Variants in WIZ observed in about 807,000 individuals in gnomAD.
The protein encoded by WIZ is WIZ zinc finger.
In WIZ, 25 loss-of-function variants were observed where a neutral mutation model predicts 140.2. The observed-to-expected ratio is 0.18, with a 90% CI of 0.13 to 0.25. The LOEUF is 0.25. Among genes scored for constraint, WIZ ranks in the 10% least tolerant of loss-of-function variants. The pLI, the probability that WIZ is intolerant of heterozygous loss-of-function variation, is 1.00. For synonymous variants in WIZ, 1,125 were observed against 1,154.3 expected (o/e 0.97, Z 0.51); for missense variants, 2,231 against 2,632.6 (o/e 0.85, Z 3.34).
chr19:15,432,858 T>G (rs1035468302), intron 5 of WIZ, among the ~76,000 whole-genome samples: 1 of 151,036 alleles, frequency 6.6e-6, no homozygotes, highest in Non-Finnish European at 1.5e-5. Context: ...GAGCGCCGAG[T>G]GCCACGAGCG....
At chr19:15,425,148 C>G in intron 10 of WIZ, 93 bp downstream of exon 10, 1 of 1,529,838 alleles carries the variant, frequency 6.5e-7, no homozygotes, top group Admixed American at 2.0e-5. Flanking sequence ...GCCATGGGGG[C>G]CCCACTTGGG....
At position 15,423,058 on chromosome 19, in the gene WIZ, A is replaced by T; in HGVS notation, c.*18T>A. The T allele has an allele frequency of 6.2e-7, 1 of 1,609,090 alleles. No homozygotes were observed. The highest frequency in any genetic ancestry group is 8.5e-7 in the Non-Finnish European group (1 of 1,178,178). On this transcript the variant is annotated 3_prime_UTR_variant, in exon 13 of 13. Transcript: ENST00000673675. ...GGAGACAGAGGTGGCACGAGAGGGG[A>T]TCTGGAATGCTTTTGTGTTAGGGAG...
chr19:15,426,918 A>G, intron 9 of WIZ, 64 bp downstream of exon 9: 1 of 1,538,758 alleles, frequency 6.5e-7, no homozygotes, highest in African/African-American at 1.4e-5. Flanking sequence ...GGATACCCCC[A>G]AGGGGAGGCA....
intron 6 of WIZ, 80 bp from the exon 7 acceptor site, chr19:15,430,169 C>A: frequency 7.0e-7 from 1 of 1,434,204 alleles, no homozygotes; most frequent in South Asian, 1.5e-5. Context: ...CCCTGAGAGT[C>A]CCACTCACCC....
In WIZ at chr19:15,439,169, G is replaced by A. The variant is rs192898305; in HGVS notation, c.1825C>T (p.Arg609Trp). ...STVHPQGLGE[R>W]RRPWSEEEEE... Reference sequence around the variant, plus strand: ...TCCTCTTCGCTCCAAGGGCGCCTCCGTTCCCCCAGCCCTTGTGGGTGGACG... The same window carrying A: ...TCCTCTTCGCTCCAAGGGCGCCTCCATTCCCCCAGCCCTTGTGGGTGGACG... The change falls in exon 4 of 13, where the codon CGG (arginine) becomes TGG (tryptophan). Residue 609 changes from arginine to tryptophan, a missense_variant. Arg to Trp is a moderately radical substitution (Grantham distance 101). Transcript: ENST00000673675. This position sits in a 1 kb window ranked among gnomAD's most constrained non-coding sequence, Gnocchi z 7.0. 2.4e-3 allele frequency: 3,668 copies of A among 1,532,830 alleles called. 14 individuals are homozygous for A. The highest frequency in any genetic ancestry group is 5.7e-3 in the Middle Eastern group (34 of 5,974). The allele number at this position is 1,532,830 out of a possible 1,614,324, so 95.0% of individuals were successfully genotyped here. A position where few individuals can be genotyped will look rare whatever the true frequency, so the allele number is the denominator to read the frequency against.
At position 15,440,953 on chromosome 19, in the gene WIZ, G is replaced by T. The variant is rs945537160; in HGVS notation, c.279-238C>A. ...GCACCTGTCCACAAAGCCTAGCCCC[G>T]CTGCATTGTGGGGGAATGTACGGAG... On this transcript the variant is annotated intron_variant, in intron 3 of 12. Coordinates refer to ENST00000673675, the MANE Select transcript of WIZ (RefSeq NM_001371589.1). The surrounding 1 kb of genome is among the most constrained non-coding windows in gnomAD (Gnocchi z 6.2). Among the ~76,000 whole-genome samples the T allele has an allele frequency of 1.3e-5, 2 of 152,112 alleles. No homozygotes were observed. Among genetic ancestry groups the T allele is most frequent in the South Asian group, 4.1e-4 (2 of 4,820 alleles).
intron 12 of WIZ, among the ~76,000 whole-genome samples, chr19:15,423,661 C>T (rs996487463): frequency 4.9e-4 from 74 of 152,230 alleles, no homozygotes; most frequent in Admixed American, 4.8e-3. Context: ...TGGCTCAAGA[C>T]GTGGCTTTGA....
intron 7 of WIZ, among the ~76,000 whole-genome samples, chr19:15,429,172 C>T (rs980134563): frequency 7.2e-5 from 11 of 152,110 alleles, no homozygotes; most frequent in African/African-American, 2.7e-4. Flanking sequence ...CAGGACCAAT[C>T]GTGGGCACCT....
chr19:15,447,808 G>C (rs1969971197), intron 2 of WIZ, among the ~76,000 whole-genome samples: 1 of 152,178 alleles, frequency 6.6e-6, no homozygotes, highest in African/African-American at 2.4e-5. Context: ...CTGGGGTGCT[G>C]AGATGGGCCT....
At chr19:15,438,197 GAGGGGGTCCCA>G (rs1479153931) in intron 4 of WIZ, among the ~76,000 whole-genome samples, 2 of 152,198 alleles carry the variant, frequency 1.3e-5, no homozygotes, top group Non-Finnish European at 2.9e-5. Context: ...GTGTGGGGTG[GAGGGGGTCCCA>G]CCACTCCTGG....
intron 5 of WIZ, among the ~76,000 whole-genome samples, chr19:15,436,123 G>GA (rs1969507499): frequency 1.3e-5 from 2 of 151,652 alleles, no homozygotes; most frequent in South Asian, 2.1e-4. Flanking sequence ...ACTCCATCTC[G>GA]AAAAAAAAGA....
chr19:15,430,924 C>T, intron 6 of WIZ, 88 bp downstream of exon 6: 1 of 1,406,850 alleles, frequency 7.1e-7, no homozygotes, highest in Non-Finnish European at 9.3e-7. Context: ...CAACCTTGGG[C>T]CCCACATTAA....
At position 15,440,814 on chromosome 19, in the gene WIZ, C is replaced by T. The variant is rs549974833; in HGVS notation, c.279-99G>A. Reference sequence around the variant, plus strand: ...CTCCCAGGCCGTTTGAAGCAGGCCCCGGAGATCCAGCCCGAGGGTGACAGG... The same window carrying T: ...CTCCCAGGCCGTTTGAAGCAGGCCCTGGAGATCCAGCCCGAGGGTGACAGG... On this transcript the variant is annotated intron_variant, in intron 3 of 12. Coordinates refer to ENST00000673675, the MANE Select transcript of WIZ (RefSeq NM_001371589.1). This position sits in a 1 kb window ranked among gnomAD's most constrained non-coding sequence, Gnocchi z 6.2. The T allele has an allele frequency of 3.1e-5, 35 of 1,115,068 alleles. No individual in the cohort carries two copies. Among genetic ancestry groups the T allele is most frequent in the Admixed American group, 9.5e-5 (3 of 31,534 alleles). The allele number at this position is 1,115,068 out of a possible 1,614,324, so 69.1% of individuals were successfully genotyped here. A position where few individuals can be genotyped will look rare whatever the true frequency, so the allele number is the denominator to read the frequency against.
chr19:15,427,268 T>A lies in WIZ; in HGVS notation c.4080A>T (p.Ser1360=), dbSNP rs200117826. ...GGTCCGAGGGGCTGCGGGCTTCCAG[T>A]GAGCTGCCAGGACCTGCGCCGCCCA... The part of the protein sequence containing the change: ...KMMGGAGPGS[S]LEARSPSDLH... Residue 1360 remains serine (S), a synonymous_variant, in exon 9 of 13, where the codon TCA becomes TCT. Transcript: ENST00000673675. The surrounding 1 kb of genome is among the most constrained non-coding windows in gnomAD (Gnocchi z 6.4). 730 of 1,613,712 alleles carry A rather than the reference T, an allele frequency of 4.5e-4. No individual in the cohort carries two copies. Among genetic ancestry groups the A allele is most frequent in the Non-Finnish European group, 5.8e-4 (680 of 1,179,984 alleles).
intron 12 of WIZ, 93 bp from the exon 13 acceptor site, chr19:15,423,328 C>T (rs1345406795): frequency 6.7e-7 from 1 of 1,482,788 alleles, no homozygotes; most frequent in African/African-American, 1.4e-5. Context: ...CCTGCTGCTA[C>T]TCAGTGTGGA....
In WIZ at chr19:15,429,862, C is replaced by A; in HGVS notation, c.3139G>T (p.Val1047Phe). The A allele has an allele frequency of 6.5e-7, 1 of 1,530,732 alleles. No individual in the cohort carries two copies. 94.8% of individuals were successfully genotyped at this position (1,530,732 alleles called of 1,614,324 possible). A position where few individuals can be genotyped will look rare whatever the true frequency, so the allele number is the denominator to read the frequency against. The part of the protein sequence containing the change: ...AKKSSSLKEV[V>F]AGAPRPGLLS... The stretch of plus-strand genomic sequence containing the variant: ...AAGCCGGGCCGGGGGGCCCCGGCGA[C>A]CACCTCCTTCAGTGAGCTGGACTTC... Residue 1047 changes from valine to phenylalanine, a missense_variant, in exon 7 of 13, where the codon GTC becomes TTC. Around this residue, in one of 15 missense-constraint regions of WIZ, gnomAD observed 163 missense variants for 166.8 expected, o/e 0.98. Transcript: ENST00000673675.
Position 15,427,971 on chromosome 19 carries a change from A to G in WIZ, c.3814+139T>C, listed in dbSNP as rs1968957708. The G allele has an allele frequency of 7.8e-7, 1 of 1,276,802 alleles. No homozygotes were observed. The highest frequency in any genetic ancestry group is 1.5e-5 in the South Asian group (1 of 64,524). The allele number at this position is 1,276,802 out of a possible 1,614,324, so 79.1% of individuals were successfully genotyped here. On this transcript the variant is annotated intron_variant, in intron 8 of 12. Coordinates refer to ENST00000673675, the MANE Select transcript of WIZ (RefSeq NM_001371589.1). The surrounding 1 kb of genome is among the most constrained non-coding windows in gnomAD (Gnocchi z 6.4). ...GAGGGCCTAGCAGCCCACTGCCAAC[A>G]AGATCTCTGGGCAGAACCGGCCCAC...
Position 15,438,043 on chromosome 19 carries a change from C to G in WIZ, c.2416+535G>C, listed in dbSNP as rs148855870. ...CACACACACTCAAACACCATACTGG[C>G]ACCTCCCCAAGTGGGCTTTGTGTCT... On this transcript the variant is annotated intron_variant, in intron 4 of 12. Transcript: ENST00000673675. Among the ~76,000 whole-genome samples the G allele has an allele frequency of 3.4e-4, 52 of 152,272 alleles. No homozygotes were observed. In the East Asian group the frequency reaches 9.1e-3, roughly 27 times the overall value.
chr19:15,430,563 C>T (rs917874105), intron 6 of WIZ, among the ~76,000 whole-genome samples: 5 of 152,196 alleles, frequency 3.3e-5, no homozygotes, highest in South Asian at 2.1e-4. Context: ...TCTGTCTCCC[C>T]GTTCCCCAAC....
Sources: allele counts gnomAD v4.1 joint callset (sites outside exome capture counted in the v4.1 genomes callset), GRCh38; gene constraint gnomAD v4.1.1; regional missense constraint gnomAD v4.1.1; non-coding constraint Gnocchi (gnomAD v3.1); transcripts MANE v1.5; gene names NCBI Gene and HGNC (gene_info 2026-07-23, HGNC 2026-07-21).